LPAR3: variants seen among roughly 807,000 people sequenced by gnomAD.
LPAR3 encodes lysophosphatidic acid receptor 3.
A neutral mutation model predicts 17.8 loss-of-function variants in LPAR3; 7 were observed. The observed-to-expected ratio is 0.39, with a 90% CI of 0.22 to 0.74. The LOEUF is 0.74. Among genes scored for constraint, LPAR3 ranks in the 30% least tolerant of loss-of-function variants. The pLI, the probability that LPAR3 is intolerant of heterozygous loss-of-function variation, is 0.40. For missense variants in LPAR3, 391 were observed against 453.4 expected (o/e 0.86, Z 1.25); for synonymous variants, 179 against 179.9 (o/e 0.99, Z 0.04).
At chr1:84,849,836 A>T (rs529848432) in intron 2 of LPAR3, among the ~76,000 whole-genome samples, 15 of 152,214 alleles carry the variant, frequency 9.9e-5, no homozygotes, top group Non-Finnish European at 1.8e-4. Context: ...TCTAACCCTC[A>T]TGATCCCAGG....
Position 84,816,830 on chromosome 1 carries a change from T to C in LPAR3, c.737-2659A>G, listed in dbSNP as rs78748071. On this transcript the variant is annotated intron_variant, in intron 2 of 2. Transcript: ENST00000370611. The stretch of plus-strand genomic sequence containing the variant: ...TAAAAAGCAAAAAAATATATAAATA[T>C]CTTCATTTACTTGAAAAGAAGGCTT... Among the ~76,000 whole-genome samples, 853 of 152,254 alleles carry C rather than the reference T, an allele frequency of 5.6e-3. 14 individuals carry two copies. The highest frequency in any genetic ancestry group is 0.02 in the African/African-American group (819 of 41,550).
At chr1:84,849,151 C>T (rs1354229748) in intron 2 of LPAR3, among the ~76,000 whole-genome samples, 6 of 151,742 alleles carry the variant, frequency 4.0e-5, no homozygotes, top group East Asian at 3.9e-4. Flanking sequence ...CTGAGGCGGG[C>T]GGATCACGAG....
intron 2 of LPAR3, among the ~76,000 whole-genome samples, chr1:84,843,774 A>G (rs1197965170): frequency 6.6e-6 from 1 of 152,270 alleles, no homozygotes; most frequent in Non-Finnish European, 1.5e-5. Flanking sequence ...ATCAAAAGTC[A>G]GTGCAGCTTT....
rs1280052323 is a variant in LPAR3 at position 84,865,451 on chromosome 1, T to C, written c.670A>G (p.Thr224Ala). Reference protein sequence around the residue: ...KRKTNVLSPHTSGSISRRRTP... With the variant: ...KRKTNVLSPHASGSISRRRTP... ...CTCCGGCGGCTGATGGACCCACTTG[T>C]ATGCGGAGACAAGACGTTGGTTTTC... Residue 224 changes from threonine (T) to alanine (A), a missense_variant, in exon 2 of 3, where the codon ACA becomes GCA. By Grantham distance (58) the Thr-to-Ala change is moderately conservative. Transcript: ENST00000370611. The C allele has an allele frequency of 1.2e-6, 2 of 1,614,154 alleles. No individual in the cohort carries two copies. The highest frequency in any genetic ancestry group is 1.7e-6 in the Non-Finnish European group (2 of 1,180,020).
At position 84,878,347 on chromosome 1, in the gene LPAR3, C is replaced by T. The variant is rs1232983756; in HGVS notation, c.-18-12209G>A. ...TTTTTTCCCAATCTCCTCAGTATTCCTGTCTCCTGTTTTTCCACCATTCTT... is the reference window on the plus strand; with the variant it reads ...TTTTTTCCCAATCTCCTCAGTATTCTTGTCTCCTGTTTTTCCACCATTCTT... On this transcript the variant is annotated intron_variant, in intron 1 of 2. Transcript: ENST00000370611. Among the ~76,000 whole-genome samples, 4 of 152,294 alleles carry T rather than the reference C, an allele frequency of 2.6e-5. No homozygotes were observed. The East Asian group carries it at 7.7e-4, about 29-fold the overall frequency.
intron 2 of LPAR3, among the ~76,000 whole-genome samples, chr1:84,832,710 T>A (rs1234921401): frequency 1.3e-5 from 2 of 149,974 alleles, no homozygotes; most frequent in African/African-American, 2.5e-5. Context: ...CACCTTCCAG[T>A]GCACGTTTCA....
intron 1 of LPAR3, among the ~76,000 whole-genome samples, chr1:84,874,975 C>T (rs1434494784): frequency 6.6e-6 from 1 of 150,760 alleles, no homozygotes; most frequent in Non-Finnish European, 1.5e-5. Context: ...TCTTGGCTCA[C>T]TGCAACCTCC....
intron 2 of LPAR3, among the ~76,000 whole-genome samples, chr1:84,864,490 A>C (rs184228288): frequency 1.3e-5 from 2 of 152,312 alleles, no homozygotes; most frequent in East Asian, 1.9e-4. Flanking sequence ...GCAGTGTCTT[A>C]AAACAGTAGC....
At chr1:84,821,588 T>G (rs886685094) in intron 2 of LPAR3, among the ~76,000 whole-genome samples, 3 of 152,044 alleles carry the variant, frequency 2.0e-5, no homozygotes, top group African/African-American at 7.2e-5. Context: ...AATGAGAAAG[T>G]GAGGAAGGTG....
intron 2 of LPAR3, among the ~76,000 whole-genome samples, chr1:84,825,990 G>C (rs1298824152): frequency 6.6e-6 from 1 of 152,058 alleles, no homozygotes; most frequent in Non-Finnish European, 1.5e-5. Flanking sequence ...ACTCCATATG[G>C]ACATGACTTT....
At chr1:84,873,648 C>T (rs1660200140) in intron 1 of LPAR3, among the ~76,000 whole-genome samples, 1 of 152,132 alleles carries the variant, frequency 6.6e-6, no homozygotes, top group African/African-American at 2.4e-5. Context: ...TCTGTATCTT[C>T]ATACTCTAGA....
intron 1 of LPAR3, among the ~76,000 whole-genome samples, chr1:84,881,960 A>G (rs1029127052): frequency 6.6e-6 from 1 of 152,228 alleles, no homozygotes; most frequent in Non-Finnish European, 1.5e-5. Flanking sequence ...GCTATTCGAC[A>G]TAGTATTGGA....
chr1:84,866,970 C>T (rs1660064096), intron 1 of LPAR3, among the ~76,000 whole-genome samples: 1 of 152,138 alleles, frequency 6.6e-6, no homozygotes, highest in South Asian at 2.1e-4. Context: ...CTTCCACAGG[C>T]AAGACTGAGA....
rs77328290 is a variant in LPAR3, at chr1:84,819,773, C to T, written c.737-5602G>A. Reference sequence around the variant, plus strand: ...AGTCCTCCTCTGCTGCTCTTTGGCTCGCCGTGCCAGGAATGCCTTCTCACC... The same window carrying T: ...AGTCCTCCTCTGCTGCTCTTTGGCTTGCCGTGCCAGGAATGCCTTCTCACC... On this transcript the variant is annotated intron_variant, in intron 2 of 2. Coordinates refer to ENST00000370611, the MANE Select transcript of LPAR3 (RefSeq NM_012152.3). Among the ~76,000 whole-genome samples, 60 of 152,318 alleles carry T rather than the reference C, an allele frequency of 3.9e-4. No individual in the cohort carries two copies. The East Asian group carries it at 0.01, about 26-fold the overall frequency.
chr1:84,878,254 G>GGAAGCT (rs1177114795), intron 1 of LPAR3, among the ~76,000 whole-genome samples: 4 of 151,942 alleles, frequency 2.6e-5, no homozygotes, highest in Non-Finnish European at 5.9e-5. Flanking sequence ...GTTTCACTGT[G>GGAAGCT]GAAGCTGACA....
At chr1:84,832,154 G>A (rs1030087543) in intron 2 of LPAR3, among the ~76,000 whole-genome samples, 5 of 152,076 alleles carry the variant, frequency 3.3e-5, no homozygotes, top group Non-Finnish European at 7.4e-5. Context: ...TAACAGTGCT[G>A]TACTGCCGAT....
intron 2 of LPAR3, among the ~76,000 whole-genome samples, chr1:84,830,931 C>T (rs1327416543): frequency 1.1e-4 from 16 of 152,166 alleles, no homozygotes; most frequent in Non-Finnish European, 2.9e-5. Context: ...TGTTCCCAAG[C>T]TTTGCAAGCT....
At chr1:84,845,427 C>T (rs1570878026) in intron 2 of LPAR3, among the ~76,000 whole-genome samples, 1 of 152,254 alleles carries the variant, frequency 6.6e-6, no homozygotes, top group Non-Finnish European at 1.5e-5. Context: ...CAGACTTTAT[C>T]CCACACTTTA....
intron 2 of LPAR3, among the ~76,000 whole-genome samples, chr1:84,861,714 T>C (rs1194955144): frequency 1.3e-5 from 2 of 152,222 alleles, no homozygotes; most frequent in African/African-American, 4.8e-5. Context: ...CTGAACTTCC[T>C]GTCTTCCACC....
Sources: gnomAD v4.1 joint callset for allele counts (sites outside exome capture counted in the v4.1 genomes callset) on GRCh38, gnomAD v4.1.1 for gene constraint, MANE v1.5 for transcripts, NCBI Gene and HGNC (gene_info 2026-07-23, HGNC 2026-07-21) for gene names.